Variants in THSD7B observed in about 807,000 individuals in gnomAD.
THSD7B encodes the protein thrombospondin type-1 domain-containing protein 7B.
In THSD7B, 138 loss-of-function variants were observed where a neutral mutation model predicts 213.6. That is an observed-to-expected ratio of 0.65 (90% confidence interval 0.56 to 0.74). THSD7B has a LOEUF of 0.74. Ranked by LOEUF, THSD7B falls within the 30% of genes least tolerant of loss-of-function variation. THSD7B has a pLI of 0.00. For synonymous variants in THSD7B, 742 were observed against 687.0 expected (o/e 1.08, Z -1.25); for missense variants, 1,931 against 1,991.5 (o/e 0.97, Z 0.58).
At chr2:136,796,007 A>G (rs1487002165) in intron 1 of THSD7B, among the ~76,000 whole-genome samples, 1 of 151,810 alleles carries the variant, frequency 6.6e-6, no homozygotes. Flanking sequence ...TACACACATA[A>G]TCATATCTTA....
chr2:137,342,005 G>A (rs1684772788), intron 12 of THSD7B, among the ~76,000 whole-genome samples: 1 of 150,720 alleles, frequency 6.6e-6, no homozygotes, highest in Non-Finnish European at 1.5e-5. Flanking sequence ...TGAATTTTAG[G>A]GTTTTTTTCT....
At chr2:137,520,647 G>T (rs1374693611) in intron 15 of THSD7B, among the ~76,000 whole-genome samples, 3 of 152,174 alleles carry the variant, frequency 2.0e-5, no homozygotes, top group Non-Finnish European at 4.4e-5. Flanking sequence ...AGAATGACAA[G>T]CTCTTCAATT....
At chr2:137,318,559 CAG>C (rs576146877) in intron 12 of THSD7B, among the ~76,000 whole-genome samples, 16 of 152,124 alleles carry the variant, frequency 1.1e-4, no homozygotes, top group African/African-American at 3.9e-4. Context: ...GGCACTGAAA[CAG>C]AGGACAAAGG....
At chr2:136,978,719 T>C (rs1371685609) in intron 2 of THSD7B, among the ~76,000 whole-genome samples, 3 of 152,172 alleles carry the variant, frequency 2.0e-5, no homozygotes, top group African/African-American at 4.8e-5. Context: ...AGCACACTGA[T>C]GGGTCTTGAC....
At chr2:136,984,020 A>G (rs1166442018) in intron 2 of THSD7B, among the ~76,000 whole-genome samples, 4 of 152,230 alleles carry the variant, frequency 2.6e-5, no homozygotes, top group African/African-American at 4.8e-5. Context: ...TAACTCTCAA[A>G]TGGGGAAATA....
intron 1 of THSD7B, among the ~76,000 whole-genome samples, chr2:136,833,978 A>G (rs1471109221): frequency 6.6e-6 from 1 of 152,194 alleles, no homozygotes; most frequent in Non-Finnish European, 1.5e-5. Context: ...GGAATTTTAG[A>G]GTTTAATAGT....
chr2:136,775,524 TA>T (rs768225927), intron 1 of THSD7B, among the ~76,000 whole-genome samples: 5 of 152,106 alleles, frequency 3.3e-5, no homozygotes, highest in African/African-American at 4.8e-5. Flanking sequence ...TCATTCAATA[TA>T]AAAAATTATT....
chr2:137,053,083 G>A (rs1164828156), intron 2 of THSD7B, among the ~76,000 whole-genome samples: 9 of 152,134 alleles, frequency 5.9e-5, no homozygotes, highest in Admixed American at 5.9e-4. Context: ...CCTCATAAGA[G>A]CCACTATCCT....
chr2:137,404,434 T>G (rs11903464), intron 12 of THSD7B, among the ~76,000 whole-genome samples: 22 of 13,956 alleles, frequency 1.6e-3, no homozygotes, highest in East Asian at 5.1e-3. Flanking sequence ...CTCTGAGATA[T>G]ATATATATAT....
At chr2:137,252,916 T>G (rs1265922046) in intron 10 of THSD7B, among the ~76,000 whole-genome samples, 1 of 147,696 alleles carries the variant, frequency 6.8e-6, no homozygotes, top group East Asian at 1.9e-4. Context: ...GCTTGCTTTT[T>G]TTTTTTTTTT....
At chr2:137,130,186 C>T (rs566139984) in intron 5 of THSD7B, among the ~76,000 whole-genome samples, 15 of 151,982 alleles carry the variant, frequency 9.9e-5, no homozygotes, top group South Asian at 6.2e-4. Flanking sequence ...AGTGGATTTA[C>T]GGCCAGATGA....
chr2:137,475,358 G>C (rs895951373), intron 15 of THSD7B, among the ~76,000 whole-genome samples: 2 of 151,946 alleles, frequency 1.3e-5, no homozygotes, highest in African/African-American at 4.8e-5. Context: ...CTCTCTTCTA[G>C]CTTTTTTTGA....
intron 5 of THSD7B, among the ~76,000 whole-genome samples, chr2:137,145,283 T>C (rs1011350846): frequency 1.3e-5 from 2 of 152,132 alleles, no homozygotes; most frequent in Admixed American, 6.6e-5. Flanking sequence ...CAGTTAGTTA[T>C]GGCCTGGTGG....
intron 12 of THSD7B, among the ~76,000 whole-genome samples, chr2:137,318,786 C>CTTTTTTTTTT (rs70978212): frequency 1.6e-4 from 12 of 73,684 alleles, no homozygotes; most frequent in African/African-American, 3.1e-4. Context: ...GAATGCTTAT[C>CTTTTTTTTTT]TTTTTTTTTT....
intron 12 of THSD7B, among the ~76,000 whole-genome samples, chr2:137,354,534 T>C (rs1685086762): frequency 1.3e-5 from 2 of 152,142 alleles, no homozygotes; most frequent in Non-Finnish European, 2.9e-5. Context: ...ATTTAGTGTC[T>C]TTCTTTTATA....
intron 12 of THSD7B, among the ~76,000 whole-genome samples, chr2:137,387,210 G>T (rs1247527305): frequency 1.3e-5 from 2 of 152,296 alleles, no homozygotes; most frequent in Non-Finnish European, 2.9e-5. Context: ...GAGATTTTTG[G>T]AGGGTTCCAG....
At chr2:137,010,955 CAGG>C (rs1193318989) in intron 2 of THSD7B, among the ~76,000 whole-genome samples, 1 of 152,188 alleles carries the variant, frequency 6.6e-6, no homozygotes, top group African/African-American at 2.4e-5. Flanking sequence ...AGAGGCCTCT[CAGG>C]AGGTAATTAA....
At chr2:137,373,764 G>T (rs1294438327) in intron 12 of THSD7B, among the ~76,000 whole-genome samples, 1 of 152,164 alleles carries the variant, frequency 6.6e-6, no homozygotes, top group African/African-American at 2.4e-5. Context: ...TAGACATGAA[G>T]TCCTTGCCCA....
intron 1 of THSD7B, among the ~76,000 whole-genome samples, chr2:136,857,923 G>A (rs1683201080): frequency 6.6e-6 from 1 of 152,204 alleles, no homozygotes. Context: ...GTAGAGAATA[G>A]TTGTTTTTCT....
Sources: allele counts gnomAD v4.1 joint callset (sites outside exome capture counted in the v4.1 genomes callset), GRCh38; gene constraint gnomAD v4.1.1; transcripts MANE v1.5; gene names NCBI Gene and HGNC (gene_info 2026-07-23, HGNC 2026-07-21).